Variants in ST3GAL6 observed in about 807,000 individuals in gnomAD.
ST3GAL6 encodes ST3 beta-galactoside alpha-2,3-sialyltransferase 6.
ST3GAL6 carries 31 observed loss-of-function variants against 40.5 expected under a neutral mutation model. The ratio of observed to expected loss-of-function variants is 0.77; its 90% CI spans 0.58 to 1.03. The LOEUF (loss-of-function observed/expected upper bound fraction) is 1.03, where lower values mean the gene tolerates loss of function less well. ST3GAL6 is among the 50% of genes least tolerant of loss of function. ST3GAL6 has a pLI of 0.00. For synonymous variants in ST3GAL6, 129 were observed against 136.9 expected (o/e 0.94, Z 0.40); for missense variants, 357 against 393.2 (o/e 0.91, Z 0.78).
At chr3:98,745,339 T>G (rs187722671) in intron 1 of ST3GAL6, among the ~76,000 whole-genome samples, 1 of 152,174 alleles carries the variant, frequency 6.6e-6, no homozygotes, top group Non-Finnish European at 1.5e-5. Context: ...TGTGAACTTA[T>G]CTGTTTTTTA....
rs1385119725 is a variant in ST3GAL6, at chr3:98,770,907, A to G, written c.118A>G (p.Asn40Asp). 8.7e-6 allele frequency: 14 copies of G among 1,614,046 alleles called. No individual in the cohort carries two copies. Among genetic ancestry groups the G allele is most frequent in the Non-Finnish European group, 1.2e-5 (14 of 1,180,012 alleles). Residue 40 changes from asparagine (N) to aspartate (D), a missense_variant, in exon 3 of 10, where the codon AAT (asparagine) becomes GAT (aspartate). Asn to Asp is a conservative substitution (Grantham distance 23). Coordinates refer to ENST00000483910, the MANE Select transcript of ST3GAL6 (RefSeq NM_001323368.2). ...WVAPVEMKRR[N>D]KIQPCLSKPA... ...GGCACCTGTGGAAATGAAACGGAGA[A>G]ATAAGATCCAGCCTTGTTTATCAAA...
intron 1 of ST3GAL6, among the ~76,000 whole-genome samples, chr3:98,735,217 G>T (rs1163055622): frequency 2.0e-5 from 3 of 152,128 alleles, no homozygotes; most frequent in African/African-American, 7.2e-5. Context: ...AGTTGCAGTG[G>T]CTCACATAAA....
At chr3:98,783,524 A>G (rs765656977) in intron 5 of ST3GAL6, 1 of 975,100 alleles carries the variant, frequency 1.0e-6, no homozygotes, top group African/African-American at 1.8e-5. Context: ...ATCAAATATA[A>G]TATGTCTGAC....
At chr3:98,735,851 T>C (rs1205996688) in intron 1 of ST3GAL6, among the ~76,000 whole-genome samples, 3 of 152,234 alleles carry the variant, frequency 2.0e-5, no homozygotes, top group African/African-American at 4.8e-5. Flanking sequence ...CATATCAGGA[T>C]GTCAGAAACA....
chr3:98,774,607 A>G (rs1474443272), intron 5 of ST3GAL6, among the ~76,000 whole-genome samples: 1 of 152,236 alleles, frequency 6.6e-6, no homozygotes, highest in Non-Finnish European at 1.5e-5. Flanking sequence ...GTTTCAAGCC[A>G]CACTTTAGAA....
intron 5 of ST3GAL6, among the ~76,000 whole-genome samples, chr3:98,779,644 G>A (rs1939886298): frequency 6.6e-6 from 1 of 152,164 alleles, no homozygotes; most frequent in Non-Finnish European, 1.5e-5. Context: ...CTGACTTTAT[G>A]AGAAACACAG....
chr3:98,757,259 T>C (rs1208506157), intron 1 of ST3GAL6, among the ~76,000 whole-genome samples: 1 of 152,238 alleles, frequency 6.6e-6, no homozygotes, highest in East Asian at 1.9e-4. Context: ...ACTTATTGAC[T>C]GATAACATTA....
chr3:98,778,253 C>G (rs1035254785), intron 5 of ST3GAL6, among the ~76,000 whole-genome samples: 1 of 152,336 alleles, frequency 6.6e-6, no homozygotes, highest in East Asian at 1.9e-4. Flanking sequence ...TGCCTGGTTG[C>G]TCTCTCAAGC....
chr3:98,791,403 G>A (rs1576137500), intron 8 of ST3GAL6, among the ~76,000 whole-genome samples: 2 of 152,288 alleles, frequency 1.3e-5, no homozygotes, highest in East Asian at 3.9e-4. Flanking sequence ...TTTATATGAA[G>A]TCTTTTATCA....
chr3:98,747,087 C>T (rs2107316454), intron 1 of ST3GAL6, among the ~76,000 whole-genome samples: 1 of 152,298 alleles, frequency 6.6e-6, no homozygotes, highest in East Asian at 1.9e-4. Context: ...TGGTAACCTT[C>T]CTGTAAGGTT....
chr3:98,768,273 C>T (rs905505917), intron 1 of ST3GAL6, among the ~76,000 whole-genome samples, 157 bp from the exon 2 acceptor site: 4 of 132,600 alleles, frequency 3.0e-5, no homozygotes, highest in Non-Finnish European at 3.3e-5. Flanking sequence ...TCTTTCTGCA[C>T]GTTTAGTGAG....
chr3:98,739,061 T>A (rs1219959751), intron 1 of ST3GAL6, among the ~76,000 whole-genome samples: 1 of 152,080 alleles, frequency 6.6e-6, no homozygotes, highest in Non-Finnish European at 1.5e-5. Flanking sequence ...CTCAAAACCA[T>A]ACAATTATAT....
At chr3:98,747,213 C>T (rs912463165) in intron 1 of ST3GAL6, among the ~76,000 whole-genome samples, 2 of 152,182 alleles carry the variant, frequency 1.3e-5, no homozygotes, top group Non-Finnish European at 2.9e-5. Flanking sequence ...GTATGGTTAT[C>T]AGGAAGAGAA....
intron 1 of ST3GAL6, among the ~76,000 whole-genome samples, chr3:98,738,245 C>CT (rs1020240436): frequency 6.6e-6 from 1 of 151,928 alleles, no homozygotes; most frequent in Non-Finnish European, 1.5e-5. Context: ...AACCTCTTTG[C>CT]TTTTTATATT....
chr3:98,760,668 A>G (rs532593731), upstream of ST3GAL6, among the ~76,000 whole-genome samples: 1 of 152,256 alleles, frequency 6.6e-6, no homozygotes, highest in Non-Finnish European at 1.5e-5. Context: ...GATAGGCACC[A>G]CAATGCAATA....
intron 8 of ST3GAL6, among the ~76,000 whole-genome samples, 167 bp from the exon 9 acceptor site, chr3:98,791,674 A>G (rs1280386405): frequency 6.6e-6 from 1 of 152,214 alleles, no homozygotes; most frequent in Non-Finnish European, 1.5e-5. Context: ...GAGTTAAGGT[A>G]TATATGCATA....
chr3:98,753,192 C>G (rs1432037703), intron 1 of ST3GAL6, among the ~76,000 whole-genome samples: 1 of 152,162 alleles, frequency 6.6e-6, no homozygotes, highest in East Asian at 1.9e-4. Context: ...AAGTGAAAGC[C>G]TTATTGCTGA....
chr3:98,740,225 C>CTT (rs764868667), intron 1 of ST3GAL6, among the ~76,000 whole-genome samples: 6,865 of 121,956 alleles, frequency 0.056, 318 homozygotes, highest in African/African-American at 0.13. Flanking sequence ...TTGCAAAACA[C>CTT]TTTTTTTTTT....
At chr3:98,764,310 G>A (rs1938102943) in intron 1 of ST3GAL6, among the ~76,000 whole-genome samples, 1 of 151,940 alleles carries the variant, frequency 6.6e-6, no homozygotes, top group Non-Finnish European at 1.5e-5. Context: ...CATTAGGGGA[G>A]TCTAAAAAAA....
Sources: gnomAD v4.1 joint callset for allele counts (sites outside exome capture counted in the v4.1 genomes callset) on GRCh38, gnomAD v4.1.1 for gene constraint, MANE v1.5 for transcripts, NCBI Gene and HGNC (gene_info 2026-07-23, HGNC 2026-07-21) for gene names.